The following FRY variants were observed in gnomAD, a reference collection of about 807,000 sequenced individuals.
The protein encoded by FRY is protein furry homolog.
Under a neutral mutation model 348.4 loss-of-function variants are expected in FRY, and 128 were observed. That is an observed-to-expected ratio of 0.37 (90% CI 0.32 to 0.43). The LOEUF (loss-of-function observed/expected upper bound fraction) is 0.43, where lower values mean the gene tolerates loss of function less well. Among genes scored for constraint, FRY ranks in the 20% least tolerant of loss-of-function variants. The pLI, the probability that FRY is intolerant of heterozygous loss-of-function variation, is 1.00. For synonymous variants in FRY, 1,370 were observed against 1,374.7 expected (o/e 1.00, Z 0.08); for missense variants, 2,736 against 3,695.2 (o/e 0.74, Z 6.73).
chr13:32,194,178 A>G lies in FRY; in HGVS notation c.3627A>G (p.Leu1209=), dbSNP rs111497306. The G allele has an allele frequency of 4.2e-4, 679 of 1,614,040 alleles. 3 individuals carry two copies. The African/African-American group carries it at 8.3e-3, about 20-fold the overall frequency. ...TTGGCTGCGAAGTTGTTGTCTTGCT[A>G]CTGGAACTTAATCCTGACCAAATAA... is the stretch of plus-strand genomic sequence containing the variant. ...HQLGCEVVVL[L]LELNPDQINL... is the part of the protein sequence containing the mutation. The change falls in exon 29 of 61, where the codon CTA becomes CTG. Residue 1209 remains leucine (L), a synonymous_variant. Coordinates refer to ENST00000542859, the MANE Select transcript of FRY (RefSeq NM_023037.3).
intron 1 of FRY, among the ~76,000 whole-genome samples, chr13:32,041,818 C>T (rs1003035899): frequency 6.6e-6 from 1 of 152,092 alleles, no homozygotes; most frequent in Admixed American, 6.5e-5. Context: ...TATAAGAAAC[C>T]GCCAGTGCTT....
chr13:32,283,029 T>C (rs955072648), intron 58 of FRY, among the ~76,000 whole-genome samples: 27 of 151,762 alleles, frequency 1.8e-4, no homozygotes, highest in Admixed American at 1.4e-3. Context: ...TAATCCCAGC[T>C]GCTCAGAAGG....
Position 32,224,345 on chromosome 13 carries a change from T to C in FRY, c.4876T>C (p.Tyr1626His). The change falls in exon 37 of 61, where the codon TAT (tyrosine) becomes CAT (histidine). Residue 1626 changes from tyrosine (Y) to histidine (H), a missense_variant. This residue lies in a region of FRY where 794 missense variants were observed against 977.0 expected (regional missense o/e 0.81). Coordinates refer to ENST00000542859, the MANE Select transcript of FRY (RefSeq NM_023037.3). ...AGGATGCTGGGCCCCCCTGGTTGAC[T>C]ATCTCCCGGAGACCATCACTCCCCG... The part of the protein sequence containing the change: ...TGGCWAPLVD[Y>H]LPETITPRGP... The C allele has an allele frequency of 6.2e-7, 1 of 1,614,030 alleles. No individual in the cohort carries two copies. The highest frequency in any genetic ancestry group is 8.5e-7 in the Non-Finnish European group (1 of 1,179,988).
At chr13:32,072,911 C>T (rs562834738) in intron 1 of FRY, among the ~76,000 whole-genome samples, 4 of 152,262 alleles carry the variant, frequency 2.6e-5, no homozygotes, top group East Asian at 3.9e-4. Context: ...CTTTGTTGAA[C>T]GATAAGATTA....
intron 35 of FRY, 97 bp from the exon 36 acceptor site, chr13:32,218,652 C>T: frequency 1.4e-6 from 1 of 698,064 alleles, no homozygotes; most frequent in Non-Finnish European, 2.5e-6. Context: ...GTAGTGCAGC[C>T]TGGTGACAGA....
At chr13:32,144,488 C>G (rs576508842) in intron 11 of FRY, among the ~76,000 whole-genome samples, 5 of 151,502 alleles carry the variant, frequency 3.3e-5, no homozygotes, top group African/African-American at 1.2e-4. Flanking sequence ...GTAGAACAGA[C>G]CTAAATGTAC....
At chr13:32,115,949 T>C (rs1878277017) in intron 3 of FRY, among the ~76,000 whole-genome samples, 1 of 152,168 alleles carries the variant, frequency 6.6e-6, no homozygotes, top group African/African-American at 2.4e-5. Flanking sequence ...TTTTTTTCAT[T>C]TACCATATCA....
Position 32,035,341 on chromosome 13 carries a change from A to G in FRY, c.70+3476A>G, listed in dbSNP as rs1872456459. On this transcript the variant is annotated intron_variant, in intron 1 of 60. Coordinates refer to ENST00000542859, the MANE Select transcript of FRY (RefSeq NM_023037.3). The stretch of plus-strand genomic sequence containing the variant: ...ACATTTTTAACTTTACCCCTTGACT[A>G]CTTTAACTTTCTACCTCACTTACTA... Among the ~76,000 whole-genome samples, 3 of 152,088 alleles carry G rather than the reference A, an allele frequency of 2.0e-5. No homozygotes were observed. In the South Asian group the frequency reaches 6.2e-4, roughly 32 times the overall value.
intron 17 of FRY, among the ~76,000 whole-genome samples, chr13:32,170,451 G>A (rs1248683637): frequency 6.6e-6 from 1 of 152,168 alleles, no homozygotes; most frequent in African/African-American, 2.4e-5. Context: ...AACATTAGGG[G>A]AGGCCCGAAG....
intron 41 of FRY, among the ~76,000 whole-genome samples, chr13:32,231,800 T>C (rs1489620866): frequency 6.6e-6 from 1 of 152,250 alleles, no homozygotes; most frequent in African/African-American, 2.4e-5. Flanking sequence ...TACTTAAGTG[T>C]TTGCCTTCTG....
chr13:32,228,780 T>A, intron 40 of FRY, 126 bp downstream of exon 40: 1 of 799,614 alleles, frequency 1.3e-6, no homozygotes, highest in East Asian at 2.6e-5. Context: ...CTCTTCTCAA[T>A]TGCAACTGCT....
intron 11 of FRY, among the ~76,000 whole-genome samples, chr13:32,142,545 G>A (rs1271781727): frequency 6.6e-6 from 1 of 151,948 alleles, no homozygotes; most frequent in East Asian, 1.9e-4. Context: ...CAATTTATTG[G>A]GCCTTCCCTC....
At chr13:32,031,979 T>TTTTTC (rs769265694) in intron 1 of FRY, 114 bp downstream of exon 1, 12 of 644,512 alleles carry the variant, frequency 1.9e-5, no homozygotes, top group East Asian at 8.3e-5. Flanking sequence ...AGTTTTTCTT[T>TTTTTC]TTTTCTTTTC....
At chr13:32,209,753 A>G in intron 33 of FRY, 22 bp downstream of exon 33, 1 of 1,612,968 alleles carries the variant, frequency 6.2e-7, no homozygotes, top group Non-Finnish European at 8.5e-7. Flanking sequence ...TCAGCCCTTC[A>G]AGAGTGATTA....
chr13:32,087,715 G>A (rs560573383), intron 2 of FRY, among the ~76,000 whole-genome samples: 5 of 152,240 alleles, frequency 3.3e-5, no homozygotes, highest in African/African-American at 1.2e-4. Flanking sequence ...CCATAGTCTT[G>A]TATTTCATTC....
At chr13:32,160,918 A>G (rs997944778) in intron 16 of FRY, among the ~76,000 whole-genome samples, 19 of 152,210 alleles carry the variant, frequency 1.2e-4, no homozygotes, top group Non-Finnish European at 2.5e-4. Context: ...TGATATCAGC[A>G]TTTTTCTTTT....
chr13:32,235,399 A>G (rs1886166016), intron 42 of FRY, among the ~76,000 whole-genome samples: 1 of 152,216 alleles, frequency 6.6e-6, no homozygotes, highest in Non-Finnish European at 1.5e-5. Flanking sequence ...CATGGCGGGC[A>G]GATCACTTGA....
intron 31 of FRY, among the ~76,000 whole-genome samples, chr13:32,203,389 T>C (rs1186769853): frequency 6.6e-6 from 1 of 152,164 alleles, no homozygotes; most frequent in Non-Finnish European, 1.5e-5. Flanking sequence ...GACTGCCACA[T>C]GGAGGATAAA....
At chr13:32,063,747 C>T (rs1163717646) in intron 1 of FRY, among the ~76,000 whole-genome samples, 1 of 152,164 alleles carries the variant, frequency 6.6e-6, no homozygotes, top group African/African-American at 2.4e-5. Context: ...CACAACATAC[C>T]CTTAGTCACG....
Sources: gnomAD v4.1 joint callset for allele counts (sites outside exome capture counted in the v4.1 genomes callset) on GRCh38, gnomAD v4.1.1 for gene constraint, gnomAD v4.1.1 regional missense constraint, MANE v1.5 for transcripts, NCBI Gene and HGNC (gene_info 2026-07-23, HGNC 2026-07-21) for gene names.